Variants in GALNT17 observed in about 807,000 individuals in gnomAD.
The protein encoded by GALNT17 is UDP-GalNAc:polypeptide N-acetylgalactosaminyltransferase-like 3.
A neutral mutation model predicts 63.7 loss-of-function variants in GALNT17; 29 were observed. The observed-to-expected ratio is 0.46, with a 90% CI of 0.34 to 0.62. GALNT17 has a LOEUF of 0.62. GALNT17 is among the 20% of genes least tolerant of loss of function. The probability of loss-of-function intolerance (pLI) is 0.01; values close to 1 mark genes in which losing one functional copy is unlikely to be tolerated. For missense variants in GALNT17, 603 were observed against 799.6 expected (o/e 0.75, Z 2.97); for synonymous variants, 305 against 318.3 (o/e 0.96, Z 0.45).
chr7:71,140,769 C>T (rs537282685), intron 1 of GALNT17, among the ~76,000 whole-genome samples: 1 of 152,210 alleles, frequency 6.6e-6, no homozygotes, highest in Admixed American at 6.5e-5. Context: ...CGCCTGTAAT[C>T]CCAGCACTTT....
At chr7:71,487,011 C>T (rs1339394107) in intron 5 of GALNT17, among the ~76,000 whole-genome samples, 1 of 152,206 alleles carries the variant, frequency 6.6e-6, no homozygotes, top group Non-Finnish European at 1.5e-5. Flanking sequence ...TTATGTCCCT[C>T]CTCCCTTGAC....
chr7:71,246,399 A>G (rs1790098473), intron 1 of GALNT17, among the ~76,000 whole-genome samples: 1 of 151,864 alleles, frequency 6.6e-6, no homozygotes, highest in East Asian at 2.0e-4. Flanking sequence ...CTGGGATTAC[A>G]GGTGTGAGCC....
Position 71,349,850 on chromosome 7 carries a change from A to G in GALNT17, c.422+14117A>G, listed in dbSNP as rs368292865. Reference sequence around the variant, plus strand: ...CACAAATGAAGTTTTTAGTTTCACAATCTTATTCATAAACATGATCTTGAA... The same window carrying G: ...CACAAATGAAGTTTTTAGTTTCACAGTCTTATTCATAAACATGATCTTGAA... On this transcript the variant is annotated intron_variant, in intron 2 of 10. Transcript: ENST00000333538. Among the ~76,000 whole-genome samples the G allele has an allele frequency of 2.6e-5, 4 of 152,312 alleles. No individual in the cohort carries two copies. The South Asian group carries it at 6.2e-4, about 24-fold the overall frequency.
rs530008612 is a variant in GALNT17 at position 71,571,501 on chromosome 7, G to A, written c.1080+99G>A. ...GTATTTAAAGCTCCTTACAGCTGAT[G>A]AATGACAGATTCATTTACTCCACCT... On this transcript the variant is annotated intron_variant, in intron 6 of 10. Transcript: ENST00000333538. 5 of 934,758 alleles carry A rather than the reference G, an allele frequency of 5.3e-6. No individual in the cohort carries two copies. In the African/African-American group the frequency reaches 8.1e-5, roughly 15 times the overall value. 57.9% of individuals were successfully genotyped at this position (934,758 alleles called of 1,614,324 possible).
intron 5 of GALNT17, among the ~76,000 whole-genome samples, chr7:71,557,705 C>T (rs1042432369): frequency 2.6e-5 from 4 of 151,044 alleles, no homozygotes; most frequent in African/African-American, 7.3e-5. Context: ...GCAGGAGAAT[C>T]GCTTGAACCC....
At chr7:71,452,732 T>A (rs2116554928) in intron 5 of GALNT17, among the ~76,000 whole-genome samples, 1 of 152,312 alleles carries the variant, frequency 6.6e-6, no homozygotes, top group South Asian at 2.1e-4. Flanking sequence ...AGGGGGTGAC[T>A]CTGTCTACTT....
intron 1 of GALNT17, among the ~76,000 whole-genome samples, chr7:71,141,211 AC>A (rs1304140459): frequency 4.0e-5 from 6 of 151,562 alleles, no homozygotes; most frequent in Non-Finnish European, 8.8e-5. Context: ...TACTAAAAAT[AC>A]AAAAAATAGC....
intron 1 of GALNT17, among the ~76,000 whole-genome samples, chr7:71,323,055 C>A (rs755849284): frequency 2.0e-5 from 3 of 151,804 alleles, no homozygotes; most frequent in African/African-American, 7.3e-5. Context: ...GATAAAAGGA[C>A]GGTTAATGAT....
At chr7:71,515,958 T>C (rs1446789158) in intron 5 of GALNT17, among the ~76,000 whole-genome samples, 1 of 152,160 alleles carries the variant, frequency 6.6e-6, no homozygotes, top group Non-Finnish European at 1.5e-5. Flanking sequence ...GAGGCTTTCA[T>C]TAGCACTCAC....
chr7:71,143,853 A>G (rs949305867), intron 1 of GALNT17, among the ~76,000 whole-genome samples: 6 of 151,646 alleles, frequency 4.0e-5, no homozygotes, highest in Non-Finnish European at 5.9e-5. Flanking sequence ...CAGCCTGGGC[A>G]ACATAGTGAG....
intron 2 of GALNT17, among the ~76,000 whole-genome samples, chr7:71,342,743 G>T (rs1370362320): frequency 2.6e-5 from 4 of 152,200 alleles, no homozygotes; most frequent in Non-Finnish European, 5.9e-5. Context: ...ATCTTCAGTA[G>T]CAGGAAGTCA....
At chr7:71,293,563 T>C (rs1274009543) in intron 1 of GALNT17, among the ~76,000 whole-genome samples, 1 of 152,214 alleles carries the variant, frequency 6.6e-6, no homozygotes, top group Admixed American at 6.5e-5. Context: ...TTTTTTGCTG[T>C]TGAGTTCCTT....
At chr7:71,378,426 A>G (rs556144825) in intron 2 of GALNT17, among the ~76,000 whole-genome samples, 14 of 152,172 alleles carry the variant, frequency 9.2e-5, no homozygotes, top group African/African-American at 3.4e-4. Context: ...ATAAAGGGAA[A>G]ATTGGGCTGG....
In GALNT17 at chr7:71,574,851, G is replaced by A. The variant is rs549612969; in HGVS notation, c.1080+3449G>A. On this transcript the variant is annotated intron_variant, in intron 6 of 10. Coordinates refer to ENST00000333538, the MANE Select transcript of GALNT17 (RefSeq NM_022479.3). ...TACTGGTCTACCCCTAGGTTTAGCC[G>A]ACTTCCTGGCAAATGCATGTCCTTT... Among the ~76,000 whole-genome samples, 6 of 152,166 alleles carry A rather than the reference G, an allele frequency of 3.9e-5. No individual in the cohort carries two copies. The South Asian group carries it at 8.3e-4, about 21-fold the overall frequency.
chr7:71,136,278 A>C (rs1787782956), intron 1 of GALNT17, among the ~76,000 whole-genome samples: 1 of 152,126 alleles, frequency 6.6e-6, no homozygotes, highest in Non-Finnish European at 1.5e-5. Flanking sequence ...GTGGAGAAGG[A>C]AACCTTGACC....
chr7:71,584,955 C>T (rs1184121998), intron 6 of GALNT17, among the ~76,000 whole-genome samples: 1 of 152,076 alleles, frequency 6.6e-6, no homozygotes, highest in African/African-American at 2.4e-5. Flanking sequence ...GGGGTCTTCT[C>T]ACCTTTATTA....
intron 5 of GALNT17, among the ~76,000 whole-genome samples, chr7:71,525,681 G>A (rs1788612372): frequency 6.9e-6 from 1 of 145,948 alleles, no homozygotes; most frequent in Non-Finnish European, 1.5e-5. Context: ...TCCATTAAAT[G>A]CCTTTTTTTT....
intron 5 of GALNT17, among the ~76,000 whole-genome samples, chr7:71,546,098 A>G (rs1328997527): frequency 6.6e-6 from 1 of 151,872 alleles, no homozygotes; most frequent in East Asian, 2.0e-4. Context: ...TGTCTCAACA[A>G]CAACAACAAC....
At position 71,535,017 on chromosome 7, in the gene GALNT17, C is replaced by G. The variant is rs551620738; in HGVS notation, c.963-36268C>G. ...TCTGTACAAAGAGAGGAGAATAGTA[C>G]ATACAACCCTCGTCCCCCAAAGTAG... On this transcript the variant is annotated intron_variant, in intron 5 of 10. Coordinates refer to ENST00000333538, the MANE Select transcript of GALNT17 (RefSeq NM_022479.3). Among the ~76,000 whole-genome samples the G allele has an allele frequency of 4.6e-5, 7 of 152,272 alleles. No homozygotes were observed. In the South Asian group the frequency reaches 1.2e-3, roughly 27 times the overall value.
Sources: gnomAD v4.1 joint callset for allele counts (sites outside exome capture counted in the v4.1 genomes callset) on GRCh38, gnomAD v4.1.1 for gene constraint, MANE v1.5 for transcripts, NCBI Gene and HGNC (gene_info 2026-07-23, HGNC 2026-07-21) for gene names.